The following DMXL2 variants were observed in gnomAD, a reference collection of about 807,000 sequenced individuals.
DMXL2 encodes Dmx like 2, also known as dmX-like protein 2.
A neutral mutation model predicts 331.1 loss-of-function variants in DMXL2; 103 were observed. That is an observed-to-expected ratio of 0.31 (90% CI 0.27 to 0.37). The LOEUF is 0.37. Among genes scored for constraint, DMXL2 ranks in the 10% least tolerant of loss-of-function variants. DMXL2 has a pLI of 1.00. For missense variants in DMXL2, 3,171 were observed against 3,642.9 expected (o/e 0.87, Z 3.33); for synonymous variants, 1,281 against 1,252.1 (o/e 1.02, Z -0.49).
intron 22 of DMXL2, among the ~76,000 whole-genome samples, 177 bp downstream of exon 22, chr15:51,487,777 C>CT (rs1379299078): frequency 6.6e-6 from 1 of 152,098 alleles, no homozygotes; most frequent in Non-Finnish European, 1.5e-5. Context: ...TCATTTGTTT[C>CT]TCCCTTGAAT....
chr15:51,535,689 C>T lies in DMXL2; in HGVS notation c.2410G>A (p.Asp804Asn). 6.2e-7 allele frequency: 1 copy of T among 1,605,238 alleles called. No individual in the cohort carries two copies. Among genetic ancestry groups the T allele is most frequent in the Non-Finnish European group, 8.5e-7 (1 of 1,176,214 alleles). ...GAAGATTCTGGGTCTGACAATTCAT[C>T]TAATAATTTCCTTGCATCCACTACA... The part of the protein sequence containing the change: ...QAVVDARKLL[D>N]ELSDPESSKL... Residue 804 changes from aspartate (D) to asparagine (N), a missense_variant, in exon 13 of 44, where the codon GAT becomes AAT. This residue lies in a region of DMXL2 where 1,674 missense variants were observed against 1,780.2 expected (regional missense o/e 0.94). Transcript: ENST00000560891.
At chr15:51,596,863 C>G (rs532619197) in intron 1 of DMXL2, among the ~76,000 whole-genome samples, 1 of 151,932 alleles carries the variant, frequency 6.6e-6, no homozygotes, top group Non-Finnish European at 1.5e-5. Flanking sequence ...TAGGTGGGAA[C>G]TGAACAATAA....
intron 15 of DMXL2, among the ~76,000 whole-genome samples, chr15:51,513,291 T>C (rs937907397): frequency 6.6e-6 from 1 of 152,214 alleles, no homozygotes; most frequent in Non-Finnish European, 1.5e-5. Flanking sequence ...AATAATGTGA[T>C]AAATGGCAGC....
intron 37 of DMXL2, 84 bp downstream of exon 37, chr15:51,457,244 T>G: frequency 7.1e-7 from 1 of 1,415,962 alleles, no homozygotes. Flanking sequence ...CCCTGAAATT[T>G]AGGATCATTC....
chr15:51,524,330 C>G (rs1330225275), intron 13 of DMXL2, among the ~76,000 whole-genome samples: 1 of 152,156 alleles, frequency 6.6e-6, no homozygotes, highest in Non-Finnish European at 1.5e-5. Context: ...AACCCAACAG[C>G]TGGAGGTAGG....
intron 1 of DMXL2, among the ~76,000 whole-genome samples, chr15:51,602,866 T>C (rs954544484): frequency 3.9e-5 from 6 of 151,982 alleles, no homozygotes; most frequent in Non-Finnish European, 8.8e-5. Context: ...AGGCCCAGAG[T>C]CGCATAACGT....
Position 51,481,144 on chromosome 15 carries a change from C to T in DMXL2, c.5962G>A (p.Glu1988Lys), listed in dbSNP as rs1567008607. 1 of 1,612,238 alleles carries T rather than the reference C, an allele frequency of 6.2e-7. No individual in the cohort carries two copies. The highest frequency in any genetic ancestry group is 1.7e-5 in the Admixed American group (1 of 59,866). The part of the protein sequence containing the change: ...WGEDHDSALD[E>K]EEDDAVGLVM... The stretch of plus-strand genomic sequence containing the variant: ...AAACCAACAGCATCGTCTTCCTCTT[C>T]ATCTAAGGCACTGTCGTGATCTTCA... The change falls in exon 24 of 44, where the codon GAA becomes AAA. Residue 1988 changes from glutamate (E) to lysine (K), a missense_variant. Physicochemically the swap from Glu to Lys is moderately conservative, Grantham distance 56. This residue lies in a region of DMXL2 where 244 missense variants were observed against 251.4 expected (regional missense o/e 0.97). Coordinates refer to ENST00000560891, the MANE Select transcript of DMXL2 (RefSeq NM_001378457.1).
At chr15:51,530,132 T>C (rs1199361166) in intron 13 of DMXL2, among the ~76,000 whole-genome samples, 3 of 152,124 alleles carry the variant, frequency 2.0e-5, no homozygotes, top group Non-Finnish European at 4.4e-5. Flanking sequence ...TCATGCCGAA[T>C]GGGGAAAAAC....
chr15:51,542,671 T>G (rs1172628308), intron 8 of DMXL2, among the ~76,000 whole-genome samples, 164 bp from the exon 9 acceptor site: 1 of 152,188 alleles, frequency 6.6e-6, no homozygotes, highest in East Asian at 1.9e-4. Context: ...GGATGTATTC[T>G]CTACAGTTCT....
At chr15:51,610,767 C>CA (rs34526933) in intron 1 of DMXL2, among the ~76,000 whole-genome samples, 183 of 132,364 alleles carry the variant, frequency 1.4e-3, no homozygotes, top group Middle Eastern at 8.1e-3. Context: ...GACTCCATCT[C>CA]AAAAAAAAAA....
At chr15:51,514,824 G>GAAAAAA (rs35796044) in intron 14 of DMXL2, among the ~76,000 whole-genome samples, 1 of 126,718 alleles carries the variant, frequency 7.9e-6, no homozygotes. Flanking sequence ...TGCTTCTCAG[G>GAAAAAA]AAAAAAAAAA....
chr15:51,546,597 A>G lies in DMXL2; in HGVS notation c.746+633T>C, dbSNP rs74013296. Among the ~76,000 whole-genome samples, 996 of 152,194 alleles carry G rather than the reference A, an allele frequency of 6.5e-3. 14 individuals are homozygous for G. The highest frequency in any genetic ancestry group is 0.023 in the African/African-American group (959 of 41,532). On this transcript the variant is annotated intron_variant, in intron 7 of 43. Coordinates refer to ENST00000560891, the MANE Select transcript of DMXL2 (RefSeq NM_001378457.1). ...CAACAGCTTTCTTAGACCTGTATAT[A>G]ATAAAGGAATCATTTGTATAAGCTT...
intron 6 of DMXL2, among the ~76,000 whole-genome samples, chr15:51,562,268 C>T (rs1272792970): frequency 3.3e-5 from 5 of 151,900 alleles, no homozygotes; most frequent in Non-Finnish European, 7.4e-5. Context: ...GATATAATAT[C>T]GAAGGTCAGT....
chr15:51,536,831 A>T lies in DMXL2; in HGVS notation c.1649T>A (p.Phe550Tyr), dbSNP rs772747608. 1.2e-6 allele frequency: 2 copies of T among 1,610,014 alleles called. No individual in the cohort carries two copies. The highest frequency in any genetic ancestry group is 1.7e-6 in the Non-Finnish European group (2 of 1,178,710). The change falls in exon 12 of 44, where the codon TTT (phenylalanine) becomes TAT (tyrosine). Residue 550 changes from phenylalanine to tyrosine, a missense_variant. Transcript: ENST00000560891. ...AAGAGAGCTTGCATCACCAGAGGGA[A>T]ATGCAACAGGAATCCGAGAAGAAAA... ...VSFSSRIPVA[F>Y]PSGDASSLSK... is the part of the protein sequence containing the mutation.
At chr15:51,586,522 G>T (rs1247128213) in intron 1 of DMXL2, among the ~76,000 whole-genome samples, 1 of 151,124 alleles carries the variant, frequency 6.6e-6, no homozygotes, top group East Asian at 1.9e-4. Context: ...CTGAAAGAAA[G>T]AACTTTCTTT....
chr15:51,562,018 A>G (rs2050003913), intron 6 of DMXL2, among the ~76,000 whole-genome samples: 1 of 152,250 alleles, frequency 6.6e-6, no homozygotes, highest in African/African-American at 2.4e-5. Context: ...GTACAAATAC[A>G]CAGTTAGATA....
In DMXL2 at chr15:51,456,332, G is replaced by C. The variant is rs1313482568; in HGVS notation, c.8375C>G (p.Thr2792Ser). The C allele has an allele frequency of 1.1e-5, 17 of 1,597,578 alleles. No homozygotes were observed. Among genetic ancestry groups the C allele is most frequent in the Non-Finnish European group, 1.4e-5 (17 of 1,173,768 alleles). Reference protein sequence around the residue: ...KRNLHNVKRMTSHPVHQYYLT... With the variant: ...KRNLHNVKRMSSHPVHQYYLT... ...ACAGTATTGATGGACTGGGTGTGAA[G>C]TCATTCTCTTAACATTATGTAGATT... Residue 2792 changes from threonine (T) to serine (S), a missense_variant, in exon 38 of 44, where the codon ACT (threonine) becomes AGT (serine). By Grantham distance (58) the Thr-to-Ser change is moderately conservative (BLOSUM62 1). Coordinates refer to ENST00000560891, the MANE Select transcript of DMXL2 (RefSeq NM_001378457.1).
intron 20 of DMXL2, 84 bp downstream of exon 20, chr15:51,491,494 A>G (rs1183609624): frequency 7.3e-7 from 1 of 1,372,494 alleles, no homozygotes; most frequent in Non-Finnish European, 1.0e-6. Flanking sequence ...ATTTCCCACT[A>G]CAGGTTTTCT....
At chr15:51,504,892 T>C (rs916142800) in intron 16 of DMXL2, among the ~76,000 whole-genome samples, 2 of 152,118 alleles carry the variant, frequency 1.3e-5, no homozygotes, top group African/African-American at 4.8e-5. Flanking sequence ...TTTTCTAACA[T>C]ATATCTCATG....
Sources: allele counts gnomAD v4.1 joint callset (sites outside exome capture counted in the v4.1 genomes callset), GRCh38; gene constraint gnomAD v4.1.1; regional missense constraint gnomAD v4.1.1; transcripts MANE v1.5; gene names NCBI Gene and HGNC (gene_info 2026-07-23, HGNC 2026-07-21).